Variants in NFIB observed in about 807,000 individuals in gnomAD.
NFIB encodes nuclear factor 1 B-type.
NFIB carries 11 observed loss-of-function variants against 61.5 expected under a neutral mutation model. The observed-to-expected ratio is 0.18, with a 90% CI of 0.11 to 0.30. The LOEUF is 0.30. NFIB is among the 10% of genes least tolerant of loss of function. The pLI, the probability that NFIB is intolerant of heterozygous loss-of-function variation, is 1.00. For missense variants in NFIB, 471 were observed against 608.9 expected (o/e 0.77, Z 2.38); for synonymous variants, 260 against 216.5 (o/e 1.20, Z -1.76).
intron 2 of NFIB, among the ~76,000 whole-genome samples, chr9:14,270,899 TGA>T: frequency 6.6e-6 from 1 of 152,212 alleles, no homozygotes; most frequent in African/African-American, 2.4e-5. Context: ...GGTATGAAGC[TGA>T]GTCTCCGTAG....
chr9:14,509,812 C>T, the NFIB span, among the ~76,000 whole-genome samples: 2 of 152,196 alleles, frequency 1.3e-5, no homozygotes, highest in Admixed American at 1.3e-4. Flanking sequence ...TAAAAACTAG[C>T]AGGTGTGGTA....
intron 1 of NFIB, among the ~76,000 whole-genome samples, chr9:14,383,785 T>C (rs1222012635): frequency 2.6e-5 from 4 of 152,220 alleles, no homozygotes; most frequent in Non-Finnish European, 5.9e-5. Context: ...CCTTGTGGAA[T>C]GCAAACTATA....
chr9:14,139,448 T>C (rs1247535148), intron 6 of NFIB, among the ~76,000 whole-genome samples: 3 of 152,220 alleles, frequency 2.0e-5, no homozygotes, highest in Non-Finnish European at 2.9e-5. Context: ...AGAAACTTTG[T>C]ATGGCACACT....
At chr9:14,213,347 A>G (rs748259310) in intron 2 of NFIB, among the ~76,000 whole-genome samples, 12 of 152,184 alleles carry the variant, frequency 7.9e-5, no homozygotes, top group Admixed American at 2.6e-4. Flanking sequence ...TGTTAGTCAC[A>G]TAAGGGATCT....
chr9:14,526,020 G>A, the NFIB span, among the ~76,000 whole-genome samples: 883 of 152,188 alleles, frequency 5.8e-3, 9 homozygotes, highest in African/African-American at 0.02. Flanking sequence ...AGGTTGGAGC[G>A]ACATGTAATG....
At chr9:14,242,601 G>C (rs2054476738) in intron 2 of NFIB, among the ~76,000 whole-genome samples, 1 of 152,214 alleles carries the variant, frequency 6.6e-6, no homozygotes, top group African/African-American at 2.4e-5. Flanking sequence ...TAGGAAGAAA[G>C]CAAGCACTGT....
intron 1 of NFIB, among the ~76,000 whole-genome samples, chr9:14,364,909 G>C (rs886384071): frequency 1.3e-5 from 2 of 152,196 alleles, no homozygotes; most frequent in Non-Finnish European, 2.9e-5. Context: ...ACAGCAGGGT[G>C]ATTTAAGAGT....
the NFIB span, among the ~76,000 whole-genome samples, chr9:14,409,450 T>C: frequency 4.6e-5 from 7 of 152,208 alleles, no homozygotes; most frequent in Middle Eastern, 3.4e-3. Context: ...AGTTCTACAG[T>C]AGGATATCCA....
intron 2 of NFIB, among the ~76,000 whole-genome samples, chr9:14,272,344 A>T (rs2057686993): frequency 6.6e-6 from 1 of 152,164 alleles, no homozygotes; most frequent in Non-Finnish European, 1.5e-5. Context: ...ATGACTTAAT[A>T]GGATGATGAC....
chr9:14,224,757 G>T (rs1298623555), intron 2 of NFIB, among the ~76,000 whole-genome samples: 1 of 152,178 alleles, frequency 6.6e-6, no homozygotes. Context: ...GGTTGGGGCG[G>T]TCCTAGAACC....
rs1167841253 is a variant in NFIB at position 14,322,060 on chromosome 9, G to A, written c.109-14540C>T. On this transcript the variant is annotated intron_variant, in intron 1 of 8. Transcript: ENST00000380934. ...TTTTCTCAGGGGTTGTTTTGGTGTC[G>A]CTTTTTGTGTTTAGTTAAAAAAAAA... The A allele has an allele frequency of 3.0e-5, 35 of 1,170,616 alleles. No homozygotes were observed. In the African/African-American group the frequency reaches 6.3e-4, roughly 21 times the overall value. 72.5% of individuals were successfully genotyped at this position (1,170,616 alleles called of 1,614,324 possible).
At chr9:14,233,585 C>T (rs375244051) in intron 2 of NFIB, among the ~76,000 whole-genome samples, 31 of 152,120 alleles carry the variant, frequency 2.0e-4, no homozygotes, top group African/African-American at 6.5e-4. Flanking sequence ...CAGGCCACCA[C>T]GCCCAGCTAA....
the NFIB span, among the ~76,000 whole-genome samples, chr9:14,452,943 T>C: frequency 6.6e-6 from 1 of 152,228 alleles, no homozygotes; most frequent in Admixed American, 6.5e-5. Context: ...TAGATCAGTA[T>C]GTGCTTTCTC....
chr9:14,389,772 C>T (rs937953506), intron 1 of NFIB, among the ~76,000 whole-genome samples: 7 of 152,052 alleles, frequency 4.6e-5, no homozygotes, highest in Admixed American at 3.9e-4. Context: ...CTTTATTATC[C>T]TTCCCAACTT....
chr9:14,295,884 T>C (rs558466737), intron 2 of NFIB, among the ~76,000 whole-genome samples: 2 of 152,358 alleles, frequency 1.3e-5, no homozygotes, highest in East Asian at 3.9e-4. Flanking sequence ...ATTTGATTCC[T>C]TCCCTTCAAA....
chr9:14,187,426 TCTTTC>T (rs2047500715), intron 2 of NFIB, among the ~76,000 whole-genome samples: 1 of 152,208 alleles, frequency 6.6e-6, no homozygotes, highest in South Asian at 2.1e-4. Context: ...TTCAGATCCC[TCTTTC>T]TGTTGTTTAA....
the NFIB span, among the ~76,000 whole-genome samples, chr9:14,493,610 G>A: frequency 1.2e-4 from 19 of 152,224 alleles, no homozygotes; most frequent in South Asian, 4.1e-4. Context: ...TGCTAAGAAC[G>A]GATACCTTGT....
intron 9 of NFIB, among the ~76,000 whole-genome samples, chr9:14,115,664 G>C (rs1000988697): frequency 5.9e-5 from 9 of 152,148 alleles, no homozygotes; most frequent in African/African-American, 2.2e-4. Context: ...TAGCTTACAT[G>C]TGCCTAATAC....
intron 1 of NFIB, among the ~76,000 whole-genome samples, chr9:14,355,486 T>C (rs1002281853): frequency 3.9e-4 from 59 of 152,220 alleles, no homozygotes; most frequent in African/African-American, 1.4e-3. Flanking sequence ...AAGATGATAC[T>C]CTGCACCAGC....
Sources: allele counts gnomAD v4.1 joint callset (sites outside exome capture counted in the v4.1 genomes callset), GRCh38; gene constraint gnomAD v4.1.1; transcripts MANE v1.5; gene names NCBI Gene and HGNC (gene_info 2026-07-23, HGNC 2026-07-21).